The following PLPPR1 variants were observed in gnomAD, a reference collection of about 807,000 sequenced individuals.
The protein encoded by PLPPR1 is phospholipid phosphatase-related protein type 1.
In PLPPR1, 10 loss-of-function variants were observed where a neutral mutation model predicts 33.1. The observed-to-expected ratio is 0.30, with a 90% confidence interval of 0.19 to 0.51. The LOEUF (loss-of-function observed/expected upper bound fraction) is 0.51. PLPPR1 is among the 20% of genes least tolerant of loss of function. PLPPR1 has a pLI of 0.97. For synonymous variants in PLPPR1, 151 were observed against 151.0 expected (o/e 1.00, Z 0.00); for missense variants, 304 against 408.1 (o/e 0.74, Z 2.20).
chr9:101,310,039 C>T (rs1004797731), intron 5 of PLPPR1, among the ~76,000 whole-genome samples: 1 of 152,158 alleles, frequency 6.6e-6, no homozygotes, highest in African/African-American at 2.4e-5. Flanking sequence ...CTCATTGTCC[C>T]CCAGATCGCA....
Position 101,143,786 on chromosome 9 carries a change from G to A in PLPPR1, c.-45-41664G>A, listed in dbSNP as rs184685684. ...ATTAAAAAGTCAGGAAACAACAGAT[G>A]CTGGAGAGGATGTGGAGAAATAGGA... On this transcript the variant is annotated intron_variant, in intron 1 of 7. Coordinates refer to ENST00000374874, the MANE Select transcript of PLPPR1 (RefSeq NM_207299.2). 5.9e-5 allele frequency among the ~76,000 whole-genome samples: 9 copies of A among 152,276 alleles called. No homozygotes were observed. The East Asian group carries it at 1.5e-3, about 26-fold the overall frequency.
At chr9:101,110,724 C>G (rs1831045457) in intron 1 of PLPPR1, among the ~76,000 whole-genome samples, 2 of 152,074 alleles carry the variant, frequency 1.3e-5, no homozygotes, top group Non-Finnish European at 2.9e-5. Flanking sequence ...AAGTTGCTAA[C>G]AGTGGTTACA....
chr9:101,314,021 G>A (rs1829009151), intron 6 of PLPPR1, among the ~76,000 whole-genome samples: 1 of 152,030 alleles, frequency 6.6e-6, no homozygotes, highest in African/African-American at 2.4e-5. Context: ...CCATTGCATG[G>A]TCACACCTCA....
chr9:101,113,778 C>A (rs376400433), intron 1 of PLPPR1, among the ~76,000 whole-genome samples: 2 of 151,258 alleles, frequency 1.3e-5, no homozygotes, highest in Non-Finnish European at 2.9e-5. Flanking sequence ...TTTTTTTTCA[C>A]AAGAAAACTT....
intron 4 of PLPPR1, among the ~76,000 whole-genome samples, chr9:101,301,455 C>G (rs910488128): frequency 6.6e-6 from 1 of 152,150 alleles, no homozygotes; most frequent in Non-Finnish European, 1.5e-5. Flanking sequence ...CCCTGTGATA[C>G]AAGGCATACT....
At chr9:101,279,891 C>G (rs529677023) in intron 3 of PLPPR1, among the ~76,000 whole-genome samples, 2 of 152,150 alleles carry the variant, frequency 1.3e-5, no homozygotes, top group African/African-American at 4.8e-5. Context: ...CATAATGATG[C>G]ATCTGAAAGA....
At position 101,043,074 on chromosome 9, in the gene PLPPR1, C is replaced by G. The variant is rs566453248; in HGVS notation, c.-46+13972C>G. ...CTCACCCCCTTCCCACCCTTTCCCC[C>G]TGAGTCCCCAAAGTCCATTGTATCA... On this transcript the variant is annotated intron_variant, in intron 1 of 7. Transcript: ENST00000374874. Among the ~76,000 whole-genome samples the G allele has an allele frequency of 2.6e-5, 4 of 152,186 alleles. No individual in the cohort carries two copies. In the South Asian group the frequency reaches 8.3e-4, roughly 32 times the overall value.
intron 1 of PLPPR1, among the ~76,000 whole-genome samples, chr9:101,138,001 A>C (rs1254287399): frequency 6.6e-6 from 1 of 152,250 alleles, no homozygotes; most frequent in South Asian, 2.1e-4. Context: ...CTACCTACAC[A>C]GCACAGAGAT....
At chr9:101,275,772 G>T (rs180844162) in intron 3 of PLPPR1, among the ~76,000 whole-genome samples, 137 of 152,312 alleles carry the variant, frequency 9.0e-4, no homozygotes, top group African/African-American at 2.9e-3. Flanking sequence ...TCACAATGAA[G>T]TGACAGGGGA....
At chr9:101,191,192 A>G (rs983040189) in intron 2 of PLPPR1, among the ~76,000 whole-genome samples, 1 of 152,180 alleles carries the variant, frequency 6.6e-6, no homozygotes, top group Non-Finnish European at 1.5e-5. Flanking sequence ...GCAAGCTGAA[A>G]CAATGCTGAG....
At chr9:101,086,471 A>T (rs1439617402) in intron 1 of PLPPR1, among the ~76,000 whole-genome samples, 1 of 152,188 alleles carries the variant, frequency 6.6e-6, no homozygotes, top group Non-Finnish European at 1.5e-5. Context: ...CTACCCCATG[A>T]AGGGTGTGTC....
intron 3 of PLPPR1, among the ~76,000 whole-genome samples, chr9:101,283,275 A>G (rs1437605325): frequency 6.6e-6 from 1 of 152,160 alleles, no homozygotes; most frequent in African/African-American, 2.4e-5. Flanking sequence ...AATATACTAC[A>G]AGGCTATTAG....
At chr9:101,134,173 T>G (rs563057628) in intron 1 of PLPPR1, among the ~76,000 whole-genome samples, 1 of 152,332 alleles carries the variant, frequency 6.6e-6, no homozygotes, top group South Asian at 2.1e-4. Flanking sequence ...TGGCATCTGC[T>G]AATAGTTTCT....
chr9:101,231,362 G>T lies in PLPPR1; in HGVS notation c.64-38518G>T, dbSNP rs959136095. 1.5e-4 allele frequency among the ~76,000 whole-genome samples: 21 copies of T among 142,798 alleles called. 1 individual carries two copies. The highest frequency in any genetic ancestry group is 7.4e-3 in the Middle Eastern group (2 of 272). 93.7% of individuals were successfully genotyped at this position (142,798 alleles called of 152,430 possible). A position where few individuals can be genotyped will look rare whatever the true frequency, so the allele number is the denominator to read the frequency against. ...CTCCTGGCTATAAATGAGATCGTTT[G>T]TTTTTTTTTTTTTTAGTTTTGGTTT... is the stretch of plus-strand genomic sequence containing the variant. On this transcript the variant is annotated intron_variant, in intron 2 of 7. Coordinates refer to ENST00000374874, the MANE Select transcript of PLPPR1 (RefSeq NM_207299.2).
chr9:101,115,280 C>T (rs570045535), intron 1 of PLPPR1, among the ~76,000 whole-genome samples: 7 of 152,280 alleles, frequency 4.6e-5, no homozygotes, highest in South Asian at 2.1e-4. Context: ...TACATGTATC[C>T]GTGCTCCCAG....
intron 1 of PLPPR1, among the ~76,000 whole-genome samples, chr9:101,150,951 A>T (rs776255751): frequency 6.6e-6 from 1 of 152,018 alleles, no homozygotes; most frequent in Non-Finnish European, 1.5e-5. Context: ...TCACTCTTAC[A>T]TATACACATT....
intron 2 of PLPPR1, among the ~76,000 whole-genome samples, chr9:101,245,187 T>G (rs1827564938): frequency 6.6e-6 from 1 of 152,032 alleles, no homozygotes; most frequent in Non-Finnish European, 1.5e-5. Flanking sequence ...CTAAATAAAC[T>G]TTATACATGT....
intron 1 of PLPPR1, among the ~76,000 whole-genome samples, chr9:101,144,125 A>ACACCATTAT (rs1424240169): frequency 2.6e-5 from 4 of 152,216 alleles, no homozygotes; most frequent in African/African-American, 7.2e-5. Context: ...AGGGACATGG[A>ACACCATTAT]TGAAGCTGGA....
chr9:101,212,066 T>A (rs748166619), intron 2 of PLPPR1, among the ~76,000 whole-genome samples: 5 of 152,114 alleles, frequency 3.3e-5, no homozygotes, highest in Non-Finnish European at 7.4e-5. Flanking sequence ...CTAGGTTGCT[T>A]CCAAATCTTG....
Sources: gnomAD v4.1 joint callset for allele counts (sites outside exome capture counted in the v4.1 genomes callset) on GRCh38, gnomAD v4.1.1 for gene constraint, MANE v1.5 for transcripts, NCBI Gene and HGNC (gene_info 2026-07-23, HGNC 2026-07-21) for gene names.